The following PDE1C variants were observed in gnomAD, a reference collection of about 807,000 sequenced individuals.
PDE1C encodes the protein phosphodiesterase 1C.
Under a neutral mutation model 93.1 loss-of-function variants are expected in PDE1C, and 62 were observed. The observed-to-expected ratio is 0.67, with a 90% CI of 0.54 to 0.82. The LOEUF (loss-of-function observed/expected upper bound fraction) is 0.82. Ranked by LOEUF, PDE1C falls within the 40% of genes least tolerant of loss-of-function variation. PDE1C has a pLI of 0.00. For missense variants in PDE1C, 742 were observed against 884.6 expected (o/e 0.84, Z 2.04); for synonymous variants, 325 against 310.1 (o/e 1.05, Z -0.50).
At chr7:31,724,178 G>A in the PDE1C span, among the ~76,000 whole-genome samples, 1 of 152,168 alleles carries the variant, frequency 6.6e-6, no homozygotes, top group South Asian at 2.1e-4. Flanking sequence ...GCTGAATGCA[G>A]GGCTGATTAA....
At chr7:31,757,045 A>C (rs533943888) in intron 17 of PDE1C, among the ~76,000 whole-genome samples, 12 of 152,346 alleles carry the variant, frequency 7.9e-5, no homozygotes, top group Admixed American at 1.3e-4. Context: ...GACCAAACAA[A>C]AGATGAGAAA....
rs573823865 is a variant in PDE1C, at chr7:31,927,284, C to T, written c.129-46424G>A. On this transcript the variant is annotated intron_variant, in intron 2 of 17. Coordinates refer to ENST00000396191, the MANE Select transcript of PDE1C (RefSeq NM_001191057.4). ...TGGCAGGACATCTCTGAAAGAAAGG[C>T]GGCAGCCTCAGTCAGGGGCTTATAG... Among the ~76,000 whole-genome samples the T allele has an allele frequency of 5.4e-4, 82 of 152,302 alleles. 1 individual carries two copies. The highest frequency in any genetic ancestry group is 1.9e-3 in the African/African-American group (77 of 41,564).
At chr7:31,878,615 A>T (rs893504257) in intron 4 of PDE1C, among the ~76,000 whole-genome samples, 1 of 152,210 alleles carries the variant, frequency 6.6e-6, no homozygotes, top group Admixed American at 6.5e-5. Flanking sequence ...GGGGACTTCA[A>T]ACCACTGAAA....
the PDE1C span, among the ~76,000 whole-genome samples, chr7:31,635,444 C>T: frequency 6.6e-6 from 1 of 152,200 alleles, no homozygotes; most frequent in African/African-American, 2.4e-5. Flanking sequence ...ATGCCCAATT[C>T]CACCATTTGA....
rs556447567 is a variant in PDE1C, at chr7:31,905,493, T to G, written c.129-24633A>C. 1.4e-3 allele frequency among the ~76,000 whole-genome samples: 212 copies of G among 152,314 alleles called. 1 individual carries two copies. Among genetic ancestry groups the G allele is most frequent in the African/African-American group, 4.9e-3 (204 of 41,568 alleles). On this transcript the variant is annotated intron_variant, in intron 2 of 17. Coordinates refer to ENST00000396191, the MANE Select transcript of PDE1C (RefSeq NM_001191057.4). Reference sequence around the variant, plus strand: ...TCAGTAAAATAAATCCCTTCTACACTTTAGAGCCAAAAAACAATTTCCCAC... The same window carrying G: ...TCAGTAAAATAAATCCCTTCTACACGTTAGAGCCAAAAAACAATTTCCCAC...
At chr7:32,058,320 G>C (rs1460926620) in intron 1 of PDE1C, among the ~76,000 whole-genome samples, 1 of 152,132 alleles carries the variant, frequency 6.6e-6, no homozygotes, top group Non-Finnish European at 1.5e-5. Context: ...TCAAGGGATA[G>C]GACATTGAAA....
At chr7:32,227,984 A>T (rs1807416860) in intron 1 of PDE1C, among the ~76,000 whole-genome samples, 1 of 152,202 alleles carries the variant, frequency 6.6e-6, no homozygotes, top group African/African-American at 2.4e-5. Context: ...CCTTCAGATG[A>T]CTGCAGCCCT....
At chr7:32,374,579 A>G (rs532839934) in intron 1 of PDE1C, among the ~76,000 whole-genome samples, 2 of 152,356 alleles carry the variant, frequency 1.3e-5, no homozygotes, top group East Asian at 1.9e-4. Context: ...ACATGATTTT[A>G]GCCCCAAACC....
At chr7:31,861,754 T>C (rs1265547782) in intron 7 of PDE1C, among the ~76,000 whole-genome samples, 1 of 152,144 alleles carries the variant, frequency 6.6e-6, no homozygotes, top group Admixed American at 6.6e-5. Context: ...TTCACTAGAC[T>C]TCTGCAGAAT....
At chr7:31,815,239 T>C (rs960404130) in intron 15 of PDE1C, among the ~76,000 whole-genome samples, 1 of 152,196 alleles carries the variant, frequency 6.6e-6, no homozygotes, top group Non-Finnish European at 1.5e-5. Flanking sequence ...TTGGAGGATG[T>C]CTCTATCACC....
chr7:31,825,693 CAAA>C, intron 12 of PDE1C, among the ~76,000 whole-genome samples: 8 of 152,050 alleles, frequency 5.3e-5, no homozygotes, highest in African/African-American at 1.9e-4. Flanking sequence ...ATTGTTTAAA[CAAA>C]AGATAAAGAA....
chr7:32,137,532 G>C (rs939452440), intron 3 of PDE1C, among the ~76,000 whole-genome samples: 1 of 152,198 alleles, frequency 6.6e-6, no homozygotes, highest in Non-Finnish European at 1.5e-5. Context: ...AACCTGATGG[G>C]GAATGGTCTC....
chr7:31,931,938 AG>A (rs765750889), intron 2 of PDE1C, among the ~76,000 whole-genome samples: 2 of 152,208 alleles, frequency 1.3e-5, no homozygotes, highest in Non-Finnish European at 2.9e-5. Flanking sequence ...CTGATCTTTG[AG>A]AAACCTGACA....
the PDE1C span, among the ~76,000 whole-genome samples, chr7:31,687,572 C>T: frequency 1.2e-4 from 19 of 152,336 alleles, no homozygotes; most frequent in East Asian, 3.1e-3. Flanking sequence ...TGCATATTCA[C>T]ACAGGATAGA....
intron 2 of PDE1C, among the ~76,000 whole-genome samples, chr7:31,955,789 T>C (rs1212586220): frequency 1.3e-5 from 2 of 152,190 alleles, no homozygotes; most frequent in Admixed American, 1.3e-4. Context: ...TGATTTACCA[T>C]GTGGCTCCCA....
At position 32,153,083 on chromosome 7, in the gene PDE1C, C is replaced by T. The variant is rs113625308; in HGVS notation, c.308+16702G>A. On this transcript the variant is annotated intron_variant, in intron 3 of 18. Transcript: ENST00000396193. ...CAAAGTCAGCCTATCCAGAGGGAAA[C>T]GCGGCAGCCACTGAAATAGTAGTAA... Among the ~76,000 whole-genome samples, 189 of 152,290 alleles carry T rather than the reference C, an allele frequency of 1.2e-3. 1 individual carries two copies. The highest frequency in any genetic ancestry group is 4.3e-3 in the African/African-American group (178 of 41,572).
intron 2 of PDE1C, among the ~76,000 whole-genome samples, chr7:32,195,963 C>T (rs562127846): frequency 1.3e-5 from 2 of 152,258 alleles, no homozygotes; most frequent in Admixed American, 1.3e-4. Context: ...GGAATGACCT[C>T]ATTATCATTG....
At chr7:32,180,825 T>C (rs1306653073) in intron 2 of PDE1C, among the ~76,000 whole-genome samples, 1 of 152,224 alleles carries the variant, frequency 6.6e-6, no homozygotes, top group Non-Finnish European at 1.5e-5. Flanking sequence ...TCTGGAATCA[T>C]AAAAGTCTCA....
At chr7:32,162,570 C>G (rs1801985819) in intron 3 of PDE1C, among the ~76,000 whole-genome samples, 1 of 140,524 alleles carries the variant, frequency 7.1e-6, no homozygotes, top group South Asian at 2.4e-4. Context: ...TGTACTGCAG[C>G]TCTAAAAAAA....
Sources: gnomAD v4.1 joint callset for allele counts (sites outside exome capture counted in the v4.1 genomes callset) on GRCh38, gnomAD v4.1.1 for gene constraint, MANE v1.5 for transcripts, NCBI Gene and HGNC (gene_info 2026-07-23, HGNC 2026-07-21) for gene names.